The following SLC26A4 variants were observed in gnomAD, a reference collection of about 807,000 sequenced individuals.
SLC26A4 encodes pendrin.
A neutral mutation model predicts 90.4 loss-of-function variants in SLC26A4; 93 were observed. The observed-to-expected ratio is 1.03, with a 90% CI of 0.87 to 1.22. SLC26A4 has a LOEUF of 1.22. Among genes scored for constraint, SLC26A4 ranks in the 50% most tolerant of loss-of-function variants. The pLI, the probability that SLC26A4 is intolerant of heterozygous loss-of-function variation, is 0.00. For missense variants in SLC26A4, 1,127 were observed against 946.2 expected, an observed-to-expected ratio of 1.19 and a Z score of -2.51; for synonymous variants, 393 against 354.6, an observed-to-expected ratio of 1.11 and a Z score of -1.22.
intron 8 of SLC26A4, 43 bp downstream of exon 8, chr7:107,683,580 A>C (rs1232480782): frequency 6.8e-7 from 1 of 1,463,662 alleles, no homozygotes; most frequent in Admixed American, 1.7e-5. Context: ...TTAAGTCAGT[A>C]AGTCAGTCTT....
At position 107,701,129 on chromosome 7, in the gene SLC26A4, A is replaced by G; in HGVS notation, c.1736A>G (p.Asn579Ser). The G allele has an allele frequency of 6.2e-7, 1 of 1,610,570 alleles. No homozygotes were observed. Among genetic ancestry groups the G allele is most frequent in the Admixed American group, 1.7e-5 (1 of 60,016 alleles). ...GGATTTGATGCCATTAGAGTATATA[A>G]TAAGAGGCTGAAAGCGCTGAGGAAA... ...TVGFDAIRVY[N>S]KRLKALRKIQ... Residue 579 changes from asparagine (N) to serine (S), a missense_variant, in exon 16 of 21, where the codon AAT becomes AGT. Transcript: ENST00000644269.
chr7:107,663,857 G>A (rs1377199083), intron 3 of SLC26A4, among the ~76,000 whole-genome samples: 1 of 152,016 alleles, frequency 6.6e-6, no homozygotes, highest in African/African-American at 2.4e-5. Flanking sequence ...CTAATTTTTT[G>A]TATTTTTAGT....
intron 18 of SLC26A4, among the ~76,000 whole-genome samples, chr7:107,704,833 C>A (rs1584340143): frequency 6.6e-6 from 1 of 152,338 alleles, no homozygotes; most frequent in East Asian, 1.9e-4. Flanking sequence ...TATTACCTCT[C>A]TCTCCTGATT....
chr7:107,690,173 G>A lies in SLC26A4; in HGVS notation c.1199G>A (p.Cys400Tyr). The change falls in exon 10 of 21, where the codon TGT becomes TAT. Residue 400 changes from cysteine (C) to tyrosine (Y), a missense_variant. By Grantham distance (194) the Cys-to-Tyr change is radical. Coordinates refer to ENST00000644269, the MANE Select transcript of SLC26A4 (RefSeq NM_000441.2). ...ISNIFSGFFS[C>Y]FVATTALSRT... The stretch of plus-strand genomic sequence containing the variant: ...AACATCTTCTCAGGATTCTTCTCTT[G>A]TTTTGTGGCCACCACTGCTCTTTCC... The A allele has an allele frequency of 6.2e-7, 1 of 1,613,664 alleles. No individual in the cohort carries two copies. Among genetic ancestry groups the A allele is most frequent in the South Asian group, 1.1e-5 (1 of 91,082 alleles).
In SLC26A4 at chr7:107,700,251, G is replaced by C. The variant is rs17154331; in HGVS notation, c.1707+76G>C. ...ATTCATTCTACAAGTATTTACTGGG[G>C]TCCAATCAGGAATAGGCCCTAGACC... On this transcript the variant is annotated intron_variant, in intron 15 of 20. Transcript: ENST00000644269. 0.01 allele frequency: 7,986 copies of C among 775,714 alleles called. 422 individuals carry two copies. In the African/African-American group the frequency reaches 0.12, roughly 11 times the overall value. The allele number at this position is 775,714 out of a possible 1,614,324, so 48.1% of individuals were successfully genotyped here.
At chr7:107,707,030 A>G (rs369560146) in intron 18 of SLC26A4, among the ~76,000 whole-genome samples, 51 of 152,256 alleles carry the variant, frequency 3.3e-4, no homozygotes, top group East Asian at 1.4e-3. Context: ...TTAGCTGGGC[A>G]TGGAGCCTGA....
At chr7:107,701,219 C>T in intron 16 of SLC26A4, 23 bp downstream of exon 16, 1 of 1,436,456 alleles carries the variant, frequency 7.0e-7, no homozygotes, top group Middle Eastern at 1.8e-4. Flanking sequence ...CTTTCTTTTC[C>T]CCCTTAAATT....
At chr7:107,674,096 C>A in intron 4 of SLC26A4, 68 bp from the exon 5 acceptor site, 1 of 1,429,084 alleles carries the variant, frequency 7.0e-7, no homozygotes, top group Non-Finnish European at 9.9e-7. Context: ...ATTTTTTAAA[C>A]CCTATGCAGA....
At position 107,663,776 on chromosome 7, in the gene SLC26A4, C is replaced by T. The variant is rs1352699067; in HGVS notation, c.304+341C>T. On this transcript the variant is annotated intron_variant, in intron 3 of 20. Transcript: ENST00000644269. ...CTGGCTCACTGCAAGCTCCGTCTCC[C>T]GGGTTCACGCCATTCTCCCGCCTCA... 1.1e-4 allele frequency among the ~76,000 whole-genome samples: 17 copies of T among 152,258 alleles called. 1 individual carries two copies. The South Asian group carries it at 3.5e-3, about 32-fold the overall frequency.
intron 6 of SLC26A4, among the ~76,000 whole-genome samples, chr7:107,678,245 C>T (rs966244657): frequency 6.6e-6 from 1 of 152,176 alleles, no homozygotes; most frequent in Non-Finnish European, 1.5e-5. Context: ...ACTCAATAAA[C>T]ACATATTGAA....
At chr7:107,685,075 G>C (rs1296862250) in intron 8 of SLC26A4, among the ~76,000 whole-genome samples, 1 of 152,100 alleles carries the variant, frequency 6.6e-6, no homozygotes, top group Non-Finnish European at 1.5e-5. Flanking sequence ...CAGACCACCT[G>C]GTCAGCTTGG....
Position 107,701,946 on chromosome 7 carries a change from C to CTTTGAAGA in SLC26A4, c.1924_1925insTTGAAGAT (p.Ser642PhefsTer10). ...AAATAGAGATTCAAGTGGATTGGAACTCTGAGCTTCCAGTCAAAGTGAACG... is the reference window on the plus strand; with the variant it reads ...AAATAGAGATTCAAGTGGATTGGAACTTTGAAGATCTGAGCTTCCAGTCAAAGTGAACG... On this transcript the variant is annotated frameshift_variant, in exon 17 of 21. Coordinates refer to ENST00000644269, the MANE Select transcript of SLC26A4 (RefSeq NM_000441.2). LOFTEE classifies it high-confidence loss of function. The CTTTGAAGA allele has an allele frequency of 6.2e-7, 1 of 1,613,252 alleles. No individual in the cohort carries two copies.
At chr7:107,675,134 G>C in intron 6 of SLC26A4, 25 bp downstream of exon 6, 1 of 1,608,412 alleles carries the variant, frequency 6.2e-7, no homozygotes, top group Non-Finnish European at 8.5e-7. Flanking sequence ...TTGCTCCAGG[G>C]ATGGGTCACT....
At position 107,663,379 on chromosome 7, in the gene SLC26A4, G is replaced by A; in HGVS notation, c.248G>A (p.Trp83Ter). Reference protein sequence around the residue: ...EWLPKYRVKEWLLSDVISGVS... With the variant: ...EWLPKYRVKE ...CTCCCCAAATACCGAGTCAAGGAAT[G>A]GCTGCTTAGTGACGTCATTTCGGGA... Residue 83 changes from tryptophan to a stop codon, truncating the protein, a stop_gained, in exon 3 of 21, where the codon TGG (tryptophan) becomes TAG (stop). Transcript: ENST00000644269. LOFTEE classifies it high-confidence loss of function. 1 of 1,614,132 alleles carries A rather than the reference G, an allele frequency of 6.2e-7. No individual in the cohort carries two copies. The highest frequency in any genetic ancestry group is 2.2e-5 in the East Asian group (1 of 44,874).
chr7:107,697,439 A>G (rs1364638515), intron 13 of SLC26A4, among the ~76,000 whole-genome samples: 2 of 152,290 alleles, frequency 1.3e-5, no homozygotes, highest in Middle Eastern at 3.4e-3. Flanking sequence ...TTTCTTCAGG[A>G]ATTGTATTTA....
chr7:107,671,622 C>T (rs1790869016), intron 3 of SLC26A4, among the ~76,000 whole-genome samples: 1 of 152,142 alleles, frequency 6.6e-6, no homozygotes, highest in Non-Finnish European at 1.5e-5. Flanking sequence ...CCTAGCATAG[C>T]CAGTCTGTAT....
At chr7:107,686,740 A>G (rs1164996315) in intron 8 of SLC26A4, among the ~76,000 whole-genome samples, 1 of 152,064 alleles carries the variant, frequency 6.6e-6, no homozygotes, top group Non-Finnish European at 1.5e-5. Flanking sequence ...TCAGCCTCCC[A>G]AAGTGCTGGG....
rs121908364 is a variant in SLC26A4, at chr7:107,689,166, C to T, written c.1115C>T (p.Ala372Val). The part of the protein sequence containing the change: ...AIAVSVGKVY[A>V]TKYDYTIDGN... Reference sequence around the variant, plus strand: ...GCAGTGTCAGTAGGAAAAGTATATGCCACCAAGTATGATTACACCATCGAT... The same window carrying T: ...GCAGTGTCAGTAGGAAAAGTATATGTCACCAAGTATGATTACACCATCGAT... Residue 372 changes from alanine to valine, a missense_variant, in exon 9 of 21, where the codon GCC becomes GTC. Physicochemically the swap from Ala to Val is moderately conservative, Grantham distance 64 (BLOSUM62 0). Transcript: ENST00000644269. 6.2e-7 allele frequency: 1 copy of T among 1,613,706 alleles called. No homozygotes were observed. The highest frequency in any genetic ancestry group is 2.2e-5 in the East Asian group (1 of 44,874).
chr7:107,709,507 C>A (rs1479320494), intron 18 of SLC26A4, among the ~76,000 whole-genome samples: 1 of 152,142 alleles, frequency 6.6e-6, no homozygotes, highest in African/African-American at 2.4e-5. Context: ...AAGTGATCTG[C>A]CCTCCTCGGC....
Sources: allele counts gnomAD v4.1 joint callset (sites outside exome capture counted in the v4.1 genomes callset), GRCh38; gene constraint gnomAD v4.1.1; transcripts MANE v1.5; gene names NCBI Gene and HGNC (gene_info 2026-07-23, HGNC 2026-07-21).